Variants in CDKN2B-AS1 observed in about 807,000 individuals in gnomAD.
The protein encoded by CDKN2B-AS1 is CDKN2B antisense RNA 1 (non-protein coding).
At chr9:22,060,297 A>G (rs745933978) in intron 4 of CDKN2B-AS1, among the ~76,000 whole-genome samples, 3 of 152,214 alleles carry the variant, frequency 2.0e-5, no homozygotes, top group Non-Finnish European at 4.4e-5. Flanking sequence ...TTCTTCCGCC[A>G]AATACCCTAA....
intron 2 of CDKN2B-AS1, among the ~76,000 whole-genome samples, chr9:22,048,430 T>C (rs539662833): frequency 6.6e-6 from 1 of 152,308 alleles, no homozygotes; most frequent in South Asian, 2.1e-4. Context: ...ATAATTTCCA[T>C]TGAATTGCAT....
intron 1 of CDKN2B-AS1, among the ~76,000 whole-genome samples, chr9:22,017,470 G>T (rs896068744): frequency 3.9e-5 from 6 of 152,160 alleles, no homozygotes; most frequent in African/African-American, 1.4e-4. Flanking sequence ...TTTTTCAGGT[G>T]TACACACAGG....
intron 4 of CDKN2B-AS1, among the ~76,000 whole-genome samples, chr9:22,090,621 G>A (rs1587517180): frequency 6.6e-6 from 1 of 152,118 alleles, no homozygotes; most frequent in Admixed American, 6.5e-5. Flanking sequence ...CTGCATAAAT[G>A]TCTTCTTTTG....
chr9:22,012,486 G>A (rs529489398), intron 1 of CDKN2B-AS1: 84 of 678,324 alleles, frequency 1.2e-4, no homozygotes, highest in African/African-American at 9.5e-4. Context: ...GTCAATTGCC[G>A]CAAGAAGAAG....
intron 1 of CDKN2B-AS1, chr9:22,046,283 T>G (rs1203693008): frequency 6.6e-6 from 1 of 152,154 alleles, no homozygotes; most frequent in African/African-American, 2.4e-5. Context: ...AGCAACTTCA[T>G]GAAATAAATC....
At chr9:22,066,879 G>A (rs1288835562) in intron 4 of CDKN2B-AS1, among the ~76,000 whole-genome samples, 2 of 152,076 alleles carry the variant, frequency 1.3e-5, no homozygotes, top group Non-Finnish European at 2.9e-5. Flanking sequence ...GGAATACTAT[G>A]CAGCCATAAA....
chr9:22,091,829 G>C (rs372437821), intron 4 of CDKN2B-AS1, among the ~76,000 whole-genome samples: 10 of 152,270 alleles, frequency 6.6e-5, no homozygotes, highest in Middle Eastern at 6.8e-3. Context: ...TCTCCTGCCT[G>C]ATTGCCGTGG....
At chr9:22,060,878 C>T (rs942856141) in intron 4 of CDKN2B-AS1, among the ~76,000 whole-genome samples, 3 of 152,136 alleles carry the variant, frequency 2.0e-5, no homozygotes, top group Non-Finnish European at 4.4e-5. Context: ...ACTTACTTCA[C>T]TATCAGGAGA....
chr9:22,088,441 G>GCACA (rs3222818), intron 4 of CDKN2B-AS1, among the ~76,000 whole-genome samples: 292 of 149,910 alleles, frequency 1.9e-3, no homozygotes, highest in African/African-American at 4.2e-3. Flanking sequence ...AAATGTGCAA[G>GCACA]CACACACACA....
intron 4 of CDKN2B-AS1, among the ~76,000 whole-genome samples, chr9:22,063,202 T>A (rs966765247): frequency 6.6e-6 from 1 of 152,014 alleles, no homozygotes; most frequent in African/African-American, 2.4e-5. Context: ...CCTGTAAAGA[T>A]GAGACAAGAA....
chr9:22,091,804 T>C (rs1252546009), intron 4 of CDKN2B-AS1, among the ~76,000 whole-genome samples: 1 of 152,206 alleles, frequency 6.6e-6, no homozygotes, highest in Non-Finnish European at 1.5e-5. Context: ...CCTAATTGAA[T>C]ACTATTTATT....
At chr9:22,047,793 C>CT (rs1175700673) in intron 2 of CDKN2B-AS1, among the ~76,000 whole-genome samples, 67 of 142,016 alleles carry the variant, frequency 4.7e-4, no homozygotes, top group Admixed American at 9.2e-4. Context: ...TTTTTTCTTT[C>CT]TTTTTTTTTT....
intron 4 of CDKN2B-AS1, among the ~76,000 whole-genome samples, chr9:22,078,429 A>G (rs1824577684): frequency 1.3e-5 from 2 of 152,200 alleles, no homozygotes; most frequent in Admixed American, 6.5e-5. Flanking sequence ...AAAATAACAA[A>G]TGCCATTGAT....
intron 4 of CDKN2B-AS1, among the ~76,000 whole-genome samples, chr9:22,070,212 A>G (rs141394604): frequency 2.3e-3 from 348 of 152,340 alleles, no homozygotes; most frequent in African/African-American, 8.1e-3. Flanking sequence ...AACAGGAGTC[A>G]GTAATGTTCC....
In CDKN2B-AS1 at chr9:22,032,237, T is replaced by C. The variant is rs141310828; in HGVS notation, n.30-14514T>C. On this transcript the variant is annotated intron_variant and non_coding_transcript_variant, in intron 1 of 4. Transcript: ENST00000650946. ...AAGTGATTCAGTGGAGGTAGAATCA[T>C]GTGGTTGTGAGCCCCAGGCACTTGG... 5.9e-5 allele frequency among the ~76,000 whole-genome samples: 9 copies of C among 152,300 alleles called. No individual in the cohort carries two copies. In the East Asian group the frequency reaches 1.7e-3, roughly 29 times the overall value.
intron 4 of CDKN2B-AS1, among the ~76,000 whole-genome samples, chr9:22,061,316 A>G (rs1232151917): frequency 6.6e-6 from 1 of 152,184 alleles, no homozygotes; most frequent in East Asian, 1.9e-4. Flanking sequence ...AAATCTGATG[A>G]CATTTTTTCC....
chr9:22,077,520 G>T (rs1021446544), intron 4 of CDKN2B-AS1, among the ~76,000 whole-genome samples: 1 of 152,114 alleles, frequency 6.6e-6, no homozygotes, highest in African/African-American at 2.4e-5. Context: ...TAAACAATTA[G>T]GGTAAATGAA....
At chr9:22,050,019 G>A (rs1021955325) in intron 3 of CDKN2B-AS1, among the ~76,000 whole-genome samples, 1 of 152,102 alleles carries the variant, frequency 6.6e-6, no homozygotes, top group Non-Finnish European at 1.5e-5. Flanking sequence ...ACCAAGGGGT[G>A]AATTTTTATT....
At chr9:22,123,135 C>T (rs1044812519) in intron 4 of CDKN2B-AS1, among the ~76,000 whole-genome samples, 1 of 152,004 alleles carries the variant, frequency 6.6e-6, no homozygotes, top group African/African-American at 2.4e-5. Context: ...GGATTGCCTT[C>T]TTGATTGCTT....
Sources: allele counts gnomAD v4.1 joint callset (sites outside exome capture counted in the v4.1 genomes callset), GRCh38; gene constraint gnomAD v4.1.1; transcripts MANE v1.5; gene names NCBI Gene and HGNC (gene_info 2026-07-23, HGNC 2026-07-21).